TMEM108: variants seen among roughly 807,000 people sequenced by gnomAD.
The protein encoded by TMEM108 is transmembrane protein 108.
In TMEM108, 12 loss-of-function variants were observed where a neutral mutation model predicts 35.1. The ratio of observed to expected loss-of-function variants is 0.34; its 90% CI spans 0.22 to 0.55. The LOEUF (loss-of-function observed/expected upper bound fraction) is 0.55, where lower values mean the gene tolerates loss of function less well. Among genes scored for constraint, TMEM108 ranks in the 20% least tolerant of loss-of-function variants. The probability of loss-of-function intolerance (pLI) is 0.89; values close to 1 mark genes in which losing one functional copy is unlikely to be tolerated. For synonymous variants in TMEM108, 287 were observed against 308.6 expected, an observed-to-expected ratio of 0.93 and a Z score of 0.73; for missense variants, 680 against 753.3, an observed-to-expected ratio of 0.90 and a Z score of 1.14.
intron 5 of TMEM108, 135 bp from the exon 6 acceptor site, chr3:133,395,729 T>G: frequency 1.2e-6 from 1 of 866,202 alleles, no homozygotes; most frequent in Non-Finnish European, 1.6e-6. Context: ...ACCTCAGCAT[T>G]AGCAGTAGGG....
intron 2 of TMEM108, among the ~76,000 whole-genome samples, chr3:133,198,746 C>T (rs1945616184): frequency 6.6e-6 from 1 of 152,138 alleles, no homozygotes; most frequent in African/African-American, 2.4e-5. Context: ...CTCAAGATTT[C>T]CTCTATTATG....
At chr3:133,350,384 A>G (rs377561544) in intron 3 of TMEM108, among the ~76,000 whole-genome samples, 1 of 152,150 alleles carries the variant, frequency 6.6e-6, no homozygotes, top group East Asian at 1.9e-4. Flanking sequence ...GACTATGGTT[A>G]ATAGTAAAAC....
chr3:133,143,115 G>A (rs1944663808), intron 2 of TMEM108, among the ~76,000 whole-genome samples: 3 of 152,128 alleles, frequency 2.0e-5, no homozygotes, highest in African/African-American at 7.2e-5. Flanking sequence ...GGTGCTGAAG[G>A]AATTACTGGT....
intron 2 of TMEM108, among the ~76,000 whole-genome samples, chr3:133,102,185 C>G (rs1559832761): frequency 6.6e-6 from 1 of 152,208 alleles, no homozygotes; most frequent in Admixed American, 6.5e-5. Context: ...TCCCAGCATA[C>G]TGTAGAGATG....
intron 5 of TMEM108, among the ~76,000 whole-genome samples, chr3:133,394,471 T>C (rs1458574856): frequency 1.3e-5 from 2 of 152,214 alleles, no homozygotes; most frequent in Non-Finnish European, 2.9e-5. Flanking sequence ...CCTCCTTCTC[T>C]CCTCCCTTCT....
chr3:133,049,475 T>A (rs1943378398), intron 2 of TMEM108, among the ~76,000 whole-genome samples: 1 of 152,286 alleles, frequency 6.6e-6, no homozygotes, highest in East Asian at 1.9e-4. Flanking sequence ...GAAACTTACA[T>A]TTAGAATGAT....
chr3:133,063,973 T>C (rs1296507652), intron 2 of TMEM108, among the ~76,000 whole-genome samples: 1 of 152,240 alleles, frequency 6.6e-6, no homozygotes, highest in Non-Finnish European at 1.5e-5. Flanking sequence ...CAGCATTCCC[T>C]TGTGCCATAT....
At chr3:133,196,827 C>A (rs144048365) in intron 2 of TMEM108, among the ~76,000 whole-genome samples, 1 of 152,098 alleles carries the variant, frequency 6.6e-6, no homozygotes, top group Non-Finnish European at 1.5e-5. Context: ...TGTCATTCTT[C>A]CAGGTGGGAA....
chr3:133,100,054 T>C (rs1298469859), intron 2 of TMEM108, among the ~76,000 whole-genome samples: 1 of 152,224 alleles, frequency 6.6e-6, no homozygotes, highest in African/African-American at 2.4e-5. Flanking sequence ...AAGAGACGTT[T>C]AATTGGATTT....
chr3:133,174,271 A>G (rs1945176702), intron 2 of TMEM108, among the ~76,000 whole-genome samples: 1 of 152,250 alleles, frequency 6.6e-6, no homozygotes, highest in Admixed American at 6.5e-5. Context: ...GCCAAACAAA[A>G]GGCAGCAGAA....
intron 3 of TMEM108, among the ~76,000 whole-genome samples, chr3:133,283,045 T>C (rs1559891788): frequency 6.6e-6 from 1 of 152,256 alleles, no homozygotes; most frequent in Non-Finnish European, 1.5e-5. Context: ...AGCAACAGTT[T>C]ACTCTGGGCA....
intron 3 of TMEM108, among the ~76,000 whole-genome samples, chr3:133,358,559 G>A (rs932967687): frequency 6.6e-6 from 1 of 152,166 alleles, no homozygotes; most frequent in African/African-American, 2.4e-5. Flanking sequence ...AGAATGTGCT[G>A]CACGGATGCC....
At chr3:133,289,014 C>T (rs896444368) in intron 3 of TMEM108, among the ~76,000 whole-genome samples, 1 of 151,950 alleles carries the variant, frequency 6.6e-6, no homozygotes, top group South Asian at 2.1e-4. Context: ...GGGATTACAG[C>T]CATGAGGCAC....
rs374138788 is a variant in TMEM108, at chr3:133,384,577, A to G, written c.1450+3416A>G. Among the ~76,000 whole-genome samples the G allele has an allele frequency of 2.0e-4, 31 of 152,166 alleles. No homozygotes were observed. The South Asian group carries it at 6.2e-3, about 31-fold the overall frequency. ...GTTTTCAGAAGTGCTGAGAACTGAA[A>G]TTGATTGGATTCAGGCCATAATGGG... On this transcript the variant is annotated intron_variant, in intron 4 of 5. Coordinates refer to ENST00000321871, the MANE Select transcript of TMEM108 (RefSeq NM_023943.4).
At chr3:133,063,972 C>T (rs1216417319) in intron 2 of TMEM108, among the ~76,000 whole-genome samples, 1 of 152,194 alleles carries the variant, frequency 6.6e-6, no homozygotes, top group African/African-American at 2.4e-5. Flanking sequence ...ACAGCATTCC[C>T]TTGTGCCATA....
chr3:133,073,452 T>TC (rs542546680), intron 2 of TMEM108, among the ~76,000 whole-genome samples: 3 of 118,016 alleles, frequency 2.5e-5, no homozygotes, highest in Non-Finnish European at 5.3e-5. Context: ...CAGGATTCTC[T>TC]TTTTTTTTTT....
At chr3:133,188,692 T>C (rs1013446418) in intron 2 of TMEM108, among the ~76,000 whole-genome samples, 4 of 152,188 alleles carry the variant, frequency 2.6e-5, no homozygotes, top group Non-Finnish European at 4.4e-5. Flanking sequence ...AGTATCCATT[T>C]AGCTTCCTGT....
At chr3:133,262,027 C>T (rs1315089342) in intron 3 of TMEM108, among the ~76,000 whole-genome samples, 4 of 152,172 alleles carry the variant, frequency 2.6e-5, no homozygotes, top group African/African-American at 7.2e-5. Flanking sequence ...GTATTTGTTT[C>T]CTTAGGTTAT....
At chr3:133,164,656 A>C (rs1010267875) in intron 2 of TMEM108, among the ~76,000 whole-genome samples, 1 of 152,200 alleles carries the variant, frequency 6.6e-6, no homozygotes, top group African/African-American at 2.4e-5. Flanking sequence ...CACTGCTGAC[A>C]CAGTGGTGAC....
Sources: allele counts gnomAD v4.1 joint callset (sites outside exome capture counted in the v4.1 genomes callset), GRCh38; gene constraint gnomAD v4.1.1; transcripts MANE v1.5; gene names NCBI Gene and HGNC (gene_info 2026-07-23, HGNC 2026-07-21).